The following UGT1A8 variants were observed in gnomAD, a reference collection of about 807,000 sequenced individuals.
UGT1A8 encodes UDP-glucuronosyltransferase 1A8.
A neutral mutation model predicts 45.3 loss-of-function variants in UGT1A8; 39 were observed. The ratio of observed to expected loss-of-function variants is 0.86; its 90% CI spans 0.67 to 1.12. UGT1A8 has a LOEUF of 1.12. Ranked by LOEUF, UGT1A8 falls within the 50% of genes most tolerant of loss-of-function variation. The probability of loss-of-function intolerance (pLI) is 0.00; values close to 1 mark genes in which losing one functional copy is unlikely to be tolerated. For synonymous variants in UGT1A8, 275 were observed against 249.2 expected (o/e 1.10, Z -0.97); for missense variants, 719 against 664.9 (o/e 1.08, Z -0.90).
In UGT1A8 at chr2:233,719,505, G is replaced by T. The variant is rs1559364966; in HGVS notation, c.856-47529G>T. ...GTCCTACATTTGCCATACTTTTTCT[G>T]CCCCTTATGCAAGTCTTGCCTCTGA... On this transcript the variant is annotated intron_variant, in intron 1 of 4. Transcript: ENST00000373450. The T allele has an allele frequency of 1.9e-6, 3 of 1,613,876 alleles. No individual in the cohort carries two copies. Among genetic ancestry groups the T allele is most frequent in the Non-Finnish European group, 2.5e-6 (3 of 1,179,860 alleles).
At chr2:233,687,583 T>G in intron 1 of UGT1A8, among the ~76,000 whole-genome samples, 1 of 107,470 alleles carries the variant, frequency 9.3e-6, no homozygotes. Flanking sequence ...ACATTCTTTG[T>G]AAAAAAAAAA....
chr2:233,713,814 T>C (rs1262526604), intron 1 of UGT1A8: 1 of 1,614,102 alleles, frequency 6.2e-7, no homozygotes, highest in South Asian at 1.1e-5. Flanking sequence ...CAACATGGTC[T>C]TCATTGGGGG....
intron 1 of UGT1A8, among the ~76,000 whole-genome samples, chr2:233,680,406 A>G (rs2074485774): frequency 6.6e-6 from 1 of 152,212 alleles, no homozygotes; most frequent in Non-Finnish European, 1.5e-5. Flanking sequence ...AGGTAGCAAC[A>G]AAATTATTAT....
At chr2:233,758,423 G>A (rs1305067521) in intron 1 of UGT1A8, among the ~76,000 whole-genome samples, 1 of 152,182 alleles carries the variant, frequency 6.6e-6, no homozygotes, top group Non-Finnish European at 1.5e-5. Flanking sequence ...ATCTGCAAAT[G>A]AACTCACACA....
chr2:233,640,228 T>C (rs1269449445), intron 1 of UGT1A8, among the ~76,000 whole-genome samples: 1 of 152,206 alleles, frequency 6.6e-6, no homozygotes, highest in Non-Finnish European at 1.5e-5. Flanking sequence ...GAAAAGACTA[T>C]AGTGTAATGT....
intron 1 of UGT1A8, chr2:233,712,944 G>C (rs768332729): frequency 3.1e-6 from 5 of 1,612,628 alleles, no homozygotes; most frequent in Non-Finnish European, 2.5e-6. Context: ...ACAATTCTAG[G>C]AGGCACAACG....
chr2:233,636,352 G>A, intron 1 of UGT1A8: 1 of 1,175,136 alleles, frequency 8.5e-7, no homozygotes. Flanking sequence ...TGATACTCGT[G>A]TGTTATCGTT....
intron 1 of UGT1A8, among the ~76,000 whole-genome samples, chr2:233,627,832 T>G (rs1002343675): frequency 1.3e-5 from 2 of 152,012 alleles, no homozygotes; most frequent in African/African-American, 2.4e-5. Context: ...TGGGAGTAAT[T>G]CCAGCATCAT....
intron 1 of UGT1A8, among the ~76,000 whole-genome samples, chr2:233,671,296 C>G (rs114918870): frequency 6.6e-6 from 1 of 152,132 alleles, no homozygotes; most frequent in Admixed American, 6.5e-5. Flanking sequence ...AAATAGGAGA[C>G]GGTTACTTTC....
chr2:233,740,013 C>A (rs28899769), intron 1 of UGT1A8, among the ~76,000 whole-genome samples: 1 of 151,838 alleles, frequency 6.6e-6, no homozygotes, highest in African/African-American at 2.4e-5. Context: ...AGTGAGTTCT[C>A]ATGAGAGCTG....
intron 1 of UGT1A8, among the ~76,000 whole-genome samples, chr2:233,664,646 A>G (rs560989929): frequency 6.6e-6 from 1 of 152,282 alleles, no homozygotes; most frequent in East Asian, 1.9e-4. Flanking sequence ...ACTTGACCAT[A>G]TCTTGTGAAT....
chr2:233,719,720 C>T (rs2076799652), intron 1 of UGT1A8: 1 of 1,613,702 alleles, frequency 6.2e-7, no homozygotes, highest in African/African-American at 1.3e-5. Context: ...AATCAATGTT[C>T]CAGGCAAAAC....
intron 1 of UGT1A8, among the ~76,000 whole-genome samples, chr2:233,632,605 T>C (rs988261606): frequency 1.3e-5 from 2 of 152,114 alleles, no homozygotes; most frequent in Non-Finnish European, 2.9e-5. Context: ...CAATTGTGAA[T>C]GGGAGTTTAC....
intron 1 of UGT1A8, chr2:233,637,086 C>A (rs767239519): frequency 2.5e-6 from 4 of 1,613,800 alleles, no homozygotes; most frequent in Non-Finnish European, 3.4e-6. Flanking sequence ...CTCCTCTTTC[C>A]TATGTCCCCA....
intron 1 of UGT1A8, among the ~76,000 whole-genome samples, chr2:233,745,661 A>G (rs1429589845): frequency 6.6e-6 from 1 of 151,454 alleles, no homozygotes; most frequent in East Asian, 1.9e-4. Context: ...CAGTGTGAAC[A>G]AAGCAATTTG....
chr2:233,640,607 A>T (rs533786260), intron 1 of UGT1A8, among the ~76,000 whole-genome samples: 13 of 152,306 alleles, frequency 8.5e-5, no homozygotes, highest in Non-Finnish European at 1.9e-4. Flanking sequence ...AAATTTTATG[A>T]GGGTGTCAAG....
chr2:233,733,374 C>T (rs1046101046), intron 1 of UGT1A8, among the ~76,000 whole-genome samples: 17 of 152,240 alleles, frequency 1.1e-4, no homozygotes, highest in Middle Eastern at 3.4e-3. Context: ...AGAGGTCATC[C>T]TTGTTTTGTG....
chr2:233,756,838 A>G (rs967837640), intron 1 of UGT1A8, among the ~76,000 whole-genome samples: 1 of 152,148 alleles, frequency 6.6e-6, no homozygotes, highest in African/African-American at 2.4e-5. Context: ...ATGATTAACC[A>G]AAGAACATTC....
Position 233,618,117 on chromosome 2 carries a change from T to G in UGT1A8, c.410T>G (p.Leu137Ter), listed in dbSNP as rs375263871. The G allele has an allele frequency of 6.2e-7, 1 of 1,614,188 alleles. No individual in the cohort carries two copies. The highest frequency in any genetic ancestry group is 1.3e-5 in the African/African-American group (1 of 75,044). The change falls in exon 1 of 5, where the codon TTA (leucine) becomes TGA (stop). Residue 137 changes from leucine (L) to a stop codon, truncating the protein, a stop_gained. Coordinates refer to ENST00000373450, the MANE Select transcript of UGT1A8 (RefSeq NM_019076.5). LOFTEE classifies it high-confidence loss of function. ...LFNDRKLVEY[L>*]KESSFDAVFL... ...AATGACCGAAAATTAGTAGAATACT[T>G]AAAGGAGAGTTCTTTTGATGCGGTG...
Sources: allele counts gnomAD v4.1 joint callset (sites outside exome capture counted in the v4.1 genomes callset), GRCh38; gene constraint gnomAD v4.1.1; transcripts MANE v1.5; gene names NCBI Gene and HGNC (gene_info 2026-07-23, HGNC 2026-07-21).